Variants in MELK observed in about 807,000 individuals in gnomAD.
MELK encodes the protein maternal embryonic leucine zipper kinase, also known as pEg3 kinase.
MELK carries 81 observed loss-of-function variants against 85.0 expected under a neutral mutation model. The observed-to-expected ratio is 0.95, with a 90% CI of 0.80 to 1.15. The LOEUF (loss-of-function observed/expected upper bound fraction) is 1.15, where lower values mean the gene tolerates loss of function less well. MELK is among the 50% of genes most tolerant of loss of function. The pLI, the probability that MELK is intolerant of heterozygous loss-of-function variation, is 0.00. For synonymous variants in MELK, 252 were observed against 265.0 expected, an observed-to-expected ratio of 0.95 and a Z score of 0.48; for missense variants, 754 against 777.5, an observed-to-expected ratio of 0.97 and a Z score of 0.36.
chr9:36,671,317 G>T (rs1832869620), intron 16 of MELK, 151 bp downstream of exon 16: 2 of 857,748 alleles, frequency 2.3e-6, no homozygotes, highest in Non-Finnish European at 3.3e-6. Context: ...ACTAAAATCT[G>T]CATGTTACTG....
Position 36,608,388 on chromosome 9 carries a change from A to C in MELK, c.666+715A>C, listed in dbSNP as rs10972994. ...TATTGTTAATCTCTTATTCTGCCTA[A>C]TGTATAAATTAAACTTTATCAAACT... On this transcript the variant is annotated intron_variant, in intron 8 of 17. Coordinates refer to ENST00000298048, the MANE Select transcript of MELK (RefSeq NM_014791.4). Among the ~76,000 whole-genome samples, 613 of 151,116 alleles carry C rather than the reference A, an allele frequency of 4.1e-3. 3 individuals carry two copies. The highest frequency in any genetic ancestry group is 0.014 in the African/African-American group (584 of 41,266).
intron 5 of MELK, among the ~76,000 whole-genome samples, chr9:36,595,485 G>C (rs1166253965): frequency 6.6e-6 from 1 of 151,940 alleles, no homozygotes; most frequent in African/African-American, 2.4e-5. Flanking sequence ...TTTCGCCCTG[G>C]CCTCCCAAAG....
chr9:36,654,635 C>T (rs1587581618), intron 12 of MELK, among the ~76,000 whole-genome samples: 3 of 152,090 alleles, frequency 2.0e-5, no homozygotes, highest in South Asian at 2.1e-4. Flanking sequence ...GGAACACAAG[C>T]GTGAACCACC....
At position 36,665,359 on chromosome 9, in the gene MELK, T is replaced by C; in HGVS notation, c.1186T>C (p.Tyr396His). ...AACTTTTTTTTTCCAGTTTACCAAG[T>C]ACTGGACAGAATCAAATGGGGTGGA... ...ATPRTSQFTK[Y>H]WTESNGVESK... Residue 396 changes from tyrosine to histidine, a missense_variant, in exon 14 of 18, where the codon TAC becomes CAC. Physicochemically the swap from Tyr to His is moderately conservative, Grantham distance 83 (BLOSUM62 2). Transcript: ENST00000298048. 6.2e-7 allele frequency: 1 copy of C among 1,608,702 alleles called. No homozygotes were observed. The highest frequency in any genetic ancestry group is 8.5e-7 in the Non-Finnish European group (1 of 1,175,988).
intron 1 of MELK, among the ~76,000 whole-genome samples, chr9:36,576,384 C>T (rs950003839): frequency 2.0e-5 from 3 of 152,100 alleles, no homozygotes; most frequent in Non-Finnish European, 2.9e-5. Flanking sequence ...ATCAGAATGT[C>T]GTTTTGCATG....
chr9:36,599,537 G>A, intron 7 of MELK, 51 bp downstream of exon 7: 1 of 1,363,918 alleles, frequency 7.3e-7, no homozygotes, highest in Non-Finnish European at 1.0e-6. Flanking sequence ...ATTTATATTG[G>A]TCACCTGTAG....
chr9:36,611,919 G>A (rs926922459), intron 8 of MELK, among the ~76,000 whole-genome samples: 16 of 151,450 alleles, frequency 1.1e-4, no homozygotes, highest in Admixed American at 5.9e-4. Flanking sequence ...ACTACAGGTG[G>A]GCACCACTAT....
At chr9:36,606,803 T>C (rs1825606412) in intron 7 of MELK, 1 of 149,956 alleles carries the variant, frequency 6.7e-6, no homozygotes, top group African/African-American at 2.4e-5. Flanking sequence ...TATATATTTT[T>C]AGATGGAGTT....
chr9:36,620,364 C>G (rs1744496650), intron 8 of MELK, among the ~76,000 whole-genome samples: 1 of 152,136 alleles, frequency 6.6e-6, no homozygotes, highest in African/African-American at 2.4e-5. Context: ...CATAGGCTTT[C>G]CCACGCATTT....
intron 8 of MELK, among the ~76,000 whole-genome samples, chr9:36,628,151 G>A (rs866431628): frequency 6.6e-6 from 1 of 152,152 alleles, no homozygotes; most frequent in Middle Eastern, 3.4e-3. Flanking sequence ...CCAAAGTGCT[G>A]GGATTACAGG....
At chr9:36,590,270 TTAC>T (rs1024542076) in intron 4 of MELK, among the ~76,000 whole-genome samples, 14 of 152,196 alleles carry the variant, frequency 9.2e-5, no homozygotes, top group African/African-American at 3.4e-4. Context: ...TTGGAACAAA[TTAC>T]TACAGACTTG....
chr9:36,617,843 A>C (rs190948361), intron 8 of MELK, among the ~76,000 whole-genome samples: 2 of 152,324 alleles, frequency 1.3e-5, no homozygotes, highest in African/African-American at 4.8e-5. Context: ...ATCTAATTGT[A>C]GACCAGGTGT....
chr9:36,629,808 T>G (rs1383652459), intron 8 of MELK, among the ~76,000 whole-genome samples: 1 of 151,972 alleles, frequency 6.6e-6, no homozygotes, highest in Non-Finnish European at 1.5e-5. Context: ...TGATAGTATT[T>G]AATATGCCCG....
At chr9:36,674,960 G>T in intron 17 of MELK, 23 bp downstream of exon 17, 1 of 1,503,392 alleles carries the variant, frequency 6.7e-7, no homozygotes. Context: ...TTTACAAGCT[G>T]TTGCATTTAT....
intron 5 of MELK, 94 bp downstream of exon 5, chr9:36,594,865 G>A: frequency 8.7e-6 from 12 of 1,379,736 alleles, no homozygotes; most frequent in Non-Finnish European, 1.1e-5. Context: ...ATCTATCTTT[G>A]GTTTGCTTTT....
chr9:36,593,142 A>G (rs922715446), intron 4 of MELK, among the ~76,000 whole-genome samples: 1 of 149,388 alleles, frequency 6.7e-6, no homozygotes, highest in Non-Finnish European at 1.5e-5. Context: ...TTAGTACTGG[A>G]CATTGTTTCA....
In MELK at chr9:36,671,037, G is replaced by A; in HGVS notation, c.1545G>A (p.Met515Ile). 1.9e-6 allele frequency: 3 copies of A among 1,613,430 alleles called. No homozygotes were observed. The highest frequency in any genetic ancestry group is 2.5e-6 in the Non-Finnish European group (3 of 1,179,688). ...SVELDLNQAH[M>I]EETPKRKGAK... ...AATTGGATCTCAACCAAGCACATAT[G>A]GAGGAGACTCCAAAAAGAAAGGGAG... Residue 515 changes from methionine to isoleucine, a missense_variant, in exon 16 of 18, where the codon ATG becomes ATA. Coordinates refer to ENST00000298048, the MANE Select transcript of MELK (RefSeq NM_014791.4).
At chr9:36,658,622 T>C (rs774936897) in intron 13 of MELK, among the ~76,000 whole-genome samples, 3 of 152,222 alleles carry the variant, frequency 2.0e-5, no homozygotes, top group Non-Finnish European at 2.9e-5. Context: ...TGGTAAGGCC[T>C]ACGTCTGGAC....
intron 12 of MELK, among the ~76,000 whole-genome samples, chr9:36,652,783 A>T (rs1830841564): frequency 6.6e-6 from 1 of 152,026 alleles, no homozygotes; most frequent in Admixed American, 6.6e-5. Context: ...GCTAAAAGGA[A>T]AATAGAATTT....
Sources: gnomAD v4.1 joint callset for allele counts (sites outside exome capture counted in the v4.1 genomes callset) on GRCh38, gnomAD v4.1.1 for gene constraint, MANE v1.5 for transcripts, NCBI Gene and HGNC (gene_info 2026-07-23, HGNC 2026-07-21) for gene names.